The following KCNN2 variants were observed in gnomAD, a reference collection of about 807,000 sequenced individuals.
KCNN2 encodes potassium calcium-activated channel subfamily N member 2.
KCNN2 carries 24 observed loss-of-function variants against 55.5 expected under a neutral mutation model. That is an observed-to-expected ratio of 0.43 (90% CI 0.31 to 0.61). The LOEUF (loss-of-function observed/expected upper bound fraction) is 0.61, where lower values mean the gene tolerates loss of function less well. Among genes scored for constraint, KCNN2 ranks in the 20% least tolerant of loss-of-function variants. The probability of loss-of-function intolerance (pLI) is 0.08; values close to 1 mark genes in which losing one functional copy is unlikely to be tolerated. For synonymous variants in KCNN2, 431 were observed against 336.1 expected (o/e 1.28, Z -3.09); for missense variants, 754 against 853.6 (o/e 0.88, Z 1.45).
chr5:114,285,951 C>G (rs2061331), intron 2 of KCNN2, among the ~76,000 whole-genome samples: 8 of 150,068 alleles, frequency 5.3e-5, no homozygotes, highest in African/African-American at 2.0e-4. Context: ...CGGAGTTTCA[C>G]CCTTGTTGCC....
chr5:114,113,359 A>G (rs929983656), intron 1 of KCNN2, among the ~76,000 whole-genome samples: 2 of 151,944 alleles, frequency 1.3e-5, no homozygotes, highest in Non-Finnish European at 2.9e-5. Context: ...AGTTAAAATC[A>G]CCAAGCAAAA....
chr5:114,182,169 A>G (rs1430101824), intron 1 of KCNN2, among the ~76,000 whole-genome samples: 1 of 152,106 alleles, frequency 6.6e-6, no homozygotes, highest in Admixed American at 6.6e-5. Flanking sequence ...AAATGACTTT[A>G]GAATTATCAA....
At chr5:114,091,561 AT>A (rs1275807751) in intron 1 of KCNN2, among the ~76,000 whole-genome samples, 1 of 152,194 alleles carries the variant, frequency 6.6e-6, no homozygotes, top group African/African-American at 2.4e-5. Flanking sequence ...AAAGATGGGT[AT>A]TTTTCACTTG....
chr5:114,179,736 G>A (rs1753204165), intron 1 of KCNN2, among the ~76,000 whole-genome samples: 2 of 152,002 alleles, frequency 1.3e-5, no homozygotes, highest in African/African-American at 4.8e-5. Context: ...TTTCCTCACA[G>A]TAGAGCGTTT....
chr5:114,204,730 C>T (rs56929721), intron 1 of KCNN2, among the ~76,000 whole-genome samples: 1 of 152,194 alleles, frequency 6.6e-6, no homozygotes, highest in Admixed American at 6.5e-5. Context: ...GGTGGAGCCT[C>T]TAAAAGCCCA....
At chr5:114,467,536 AGT>A (rs1456758140) in intron 4 of KCNN2, among the ~76,000 whole-genome samples, 1 of 152,184 alleles carries the variant, frequency 6.6e-6, no homozygotes, top group Admixed American at 6.5e-5. Context: ...ATAAAGCCCC[AGT>A]GAAGAGAGTA....
intron 1 of KCNN2, among the ~76,000 whole-genome samples, chr5:114,148,684 C>A (rs896589499): frequency 6.6e-6 from 1 of 152,064 alleles, no homozygotes; most frequent in African/African-American, 2.4e-5. Context: ...ACATGTCCTC[C>A]TCTGGCAGAG....
chr5:114,476,968 CAT>C (rs1486894950), intron 5 of KCNN2, among the ~76,000 whole-genome samples: 12 of 68,328 alleles, frequency 1.8e-4, no homozygotes, highest in African/African-American at 3.3e-5. Context: ...CAAATGGACT[CAT>C]ATAAATGAGT....
intron 2 of KCNN2, among the ~76,000 whole-genome samples, chr5:114,271,648 A>G (rs1266720895): frequency 6.6e-6 from 1 of 152,098 alleles, no homozygotes; most frequent in East Asian, 1.9e-4. Flanking sequence ...TCTTCTTTTC[A>G]TTTCAACAGG....
intron 1 of KCNN2, among the ~76,000 whole-genome samples, chr5:114,198,434 A>T (rs900069779): frequency 2.1e-5 from 3 of 143,336 alleles, no homozygotes; most frequent in Non-Finnish European, 4.6e-5. Context: ...ATATGTGTAT[A>T]TATATATGTG....
chr5:114,442,109 G>A (rs1182366101), intron 3 of KCNN2, among the ~76,000 whole-genome samples: 1 of 152,044 alleles, frequency 6.6e-6, no homozygotes, highest in African/African-American at 2.4e-5. Context: ...CAACCTGGTT[G>A]GTTCCTGGTT....
chr5:114,440,306 C>G (rs960628356), intron 3 of KCNN2, among the ~76,000 whole-genome samples: 2 of 152,120 alleles, frequency 1.3e-5, no homozygotes, highest in Non-Finnish European at 2.9e-5. Context: ...AACTCCTAAC[C>G]TAGACTTCTA....
chr5:114,110,363 A>G (rs1206749994), intron 1 of KCNN2, among the ~76,000 whole-genome samples: 1 of 152,076 alleles, frequency 6.6e-6, no homozygotes, highest in Admixed American at 6.6e-5. Context: ...AGATCTCAGG[A>G]CTAAGGTACC....
intron 1 of KCNN2, among the ~76,000 whole-genome samples, chr5:114,077,986 A>G (rs768409371): frequency 1.3e-5 from 2 of 152,158 alleles, no homozygotes; most frequent in Admixed American, 6.5e-5. Flanking sequence ...TTCTGGGCAT[A>G]GTCTTTGATT....
chr5:114,372,945 C>T (rs979367007), intron 2 of KCNN2, among the ~76,000 whole-genome samples: 1 of 151,764 alleles, frequency 6.6e-6, no homozygotes, highest in African/African-American at 2.4e-5. Flanking sequence ...TAACAAATAC[C>T]CTTGCACATT....
At chr5:114,166,394 T>G (rs1489862427) in intron 1 of KCNN2, among the ~76,000 whole-genome samples, 1 of 152,154 alleles carries the variant, frequency 6.6e-6, no homozygotes, top group East Asian at 1.9e-4. Context: ...CATGCTGCCT[T>G]CGCGGTATGT....
Position 114,074,248 on chromosome 5 carries a change from C to A in KCNN2, c.-271+17748C>A, listed in dbSNP as rs77490997. Among the ~76,000 whole-genome samples, 987 of 151,858 alleles carry A rather than the reference C, an allele frequency of 6.5e-3. 13 individuals are homozygous for A. Among genetic ancestry groups the A allele is most frequent in the African/African-American group, 0.022 (922 of 41,340 alleles). On this transcript the variant is annotated intron_variant, in intron 1 of 10. Coordinates refer to the KCNN2 transcript ENST00000512097. ...AAAGTATCTCTCTTGTTACCCATCA[C>A]CATCGGTAGAACTAATTTCTTATGA...
intron 2 of KCNN2, among the ~76,000 whole-genome samples, chr5:114,259,257 A>G (rs1402671052): frequency 1.3e-5 from 2 of 152,160 alleles, no homozygotes; most frequent in Non-Finnish European, 2.9e-5. Context: ...CCTTAGGAAC[A>G]TCACTCCCCA....
intron 2 of KCNN2, among the ~76,000 whole-genome samples, chr5:114,364,407 C>A (rs1165339540): frequency 6.6e-6 from 1 of 152,020 alleles, no homozygotes; most frequent in Non-Finnish European, 1.5e-5. Context: ...TCTATATAAT[C>A]TTCTGTAATT....
Sources: gnomAD v4.1 joint callset for allele counts (sites outside exome capture counted in the v4.1 genomes callset) on GRCh38, gnomAD v4.1.1 for gene constraint, MANE v1.5 for transcripts, NCBI Gene and HGNC (gene_info 2026-07-23, HGNC 2026-07-21) for gene names.